The following XIRP1 variants were observed in gnomAD, a reference collection of about 807,000 sequenced individuals.
XIRP1 encodes xin actin-binding repeat-containing protein 1.
For missense variants in XIRP1, 2,378 were observed against 2,345.4 expected (o/e 1.01, Z -0.29); for synonymous variants, 984 against 947.0 (o/e 1.04, Z -0.72).
In XIRP1 at chr3:39,184,637, G is replaced by T. The variant is rs781450401; in HGVS notation, c.4809C>A (p.Val1603=). 6 of 1,613,748 alleles carry T rather than the reference G, an allele frequency of 3.7e-6. No homozygotes were observed. In the East Asian group the frequency reaches 1.3e-4, roughly 36 times the overall value. ...SARPSGSGQE[V]GGQTAVKNQA... ...GGTTCTTGACTGCAGTTTGACCTCC[G>T]ACCTCCTGGCCTGAGCCACTGGGCC... Residue 1603 remains valine (V), a synonymous_variant, in exon 2 of 2, where the codon GTC becomes GTA. Transcript: ENST00000340369.
At chr3:39,189,782 G>A (rs1215810261) in intron 1 of XIRP1, among the ~76,000 whole-genome samples, 2 of 152,254 alleles carry the variant, frequency 1.3e-5, no homozygotes, top group African/African-American at 4.8e-5. Flanking sequence ...AGCTCCATAA[G>A]GGACGCATAA....
In XIRP1 at chr3:39,186,480, C is replaced by G. The variant is rs1382274615; in HGVS notation, c.2966G>C (p.Gly989Ala). Residue 989 changes from glycine to alanine, a missense_variant, in exon 2 of 2, where the codon GGG becomes GCG. By Grantham distance (60) the Gly-to-Ala change is moderately conservative. Coordinates refer to ENST00000340369, the MANE Select transcript of XIRP1 (RefSeq NM_194293.4). ...GGCCTGAGGAGGGCAAGGGGTGGCC[C>G]CTGAGGCTCTCAGATGCCCCATCCC... ...SMGMGHLRAS[G>A]ATPCPPQAIG... 2.5e-6 allele frequency: 4 copies of G among 1,613,830 alleles called. No individual in the cohort carries two copies. The highest frequency in any genetic ancestry group is 2.7e-5 in the African/African-American group (2 of 74,898).
chr3:39,188,539 CG>C lies in XIRP1; in HGVS notation c.906del (p.Asp303ThrfsTer22). ...AAGATCCAGCGAGTTGCACTGACGT[CG>C]GGCCGGGCCCCCTCCTCCAGGGAAA... is the stretch of plus-strand genomic sequence containing the variant. ...RGISLEEGAR[P>X]DVSATRWIFE... On this transcript the variant is annotated frameshift_variant, in exon 2 of 2. Coordinates refer to ENST00000340369, the MANE Select transcript of XIRP1 (RefSeq NM_194293.4). LOFTEE classifies it low-confidence loss of function (END_TRUNC). 6.2e-7 allele frequency: 1 copy of C among 1,610,750 alleles called. No individual in the cohort carries two copies. The highest frequency in any genetic ancestry group is 8.5e-7 in the Non-Finnish European group (1 of 1,177,288).
rs746041562 is a variant in XIRP1 at position 39,186,688 on chromosome 3, C to T, written c.2758G>A (p.Ala920Thr). The part of the protein sequence containing the change: ...YSLQPRLTSK[A>T]SERSSVQLLA... ...AGCTGCACGCTGCTCCTCTCAGAGG[C>T]CTTGCTAGTTAGCCGGGGCTGCAGA... The change falls in exon 2 of 2, where the codon GCC becomes ACC. Residue 920 changes from alanine (A) to threonine (T), a missense_variant. Transcript: ENST00000340369. 6.2e-7 allele frequency: 1 copy of T among 1,613,908 alleles called. No individual in the cohort carries two copies. The highest frequency in any genetic ancestry group is 1.3e-5 in the African/African-American group (1 of 74,948).
In XIRP1 at chr3:39,184,181, C is replaced by A; in HGVS notation, c.5265G>T (p.Gly1755=). The change falls in exon 2 of 2, where the codon GGG becomes GGT. Residue 1755 remains glycine (G), a synonymous_variant. Coordinates refer to ENST00000340369, the MANE Select transcript of XIRP1 (RefSeq NM_194293.4). ...CTCCATAGTGTTGTGAGCTCCCTGG[C>A]CCCGTCTGTAGCTCCAGAACACTCT... ...WQKSVLELQT[G]PGSSQHYGAM... 2 of 1,614,160 alleles carry A rather than the reference C, an allele frequency of 1.2e-6. No homozygotes were observed. Among genetic ancestry groups the A allele is most frequent in the Non-Finnish European group, 1.7e-6 (2 of 1,180,010 alleles).
In XIRP1 at chr3:39,186,269, C is replaced by A; in HGVS notation, c.3177G>T (p.Arg1059=). Reference sequence around the variant, plus strand: ...GGCTCTGGGCTTCAGCTGTTGCCATCCGCAGACTCTGCATGGCGGCCAGGA... The same window carrying A: ...GGCTCTGGGCTTCAGCTGTTGCCATACGCAGACTCTGCATGGCGGCCAGGA... ...PDLLAAMQSL[R]MATAEAQSLH... Residue 1059 remains arginine, a synonymous_variant, in exon 2 of 2, where the codon CGG becomes CGT. Coordinates refer to ENST00000340369, the MANE Select transcript of XIRP1 (RefSeq NM_194293.4). 1 of 1,613,952 alleles carries A rather than the reference C, an allele frequency of 6.2e-7. No individual in the cohort carries two copies. The highest frequency in any genetic ancestry group is 8.5e-7 in the Non-Finnish European group (1 of 1,179,962).
At position 39,185,958 on chromosome 3, in the gene XIRP1, T is replaced by A. The variant is rs2125900289; in HGVS notation, c.3488A>T (p.Glu1163Val). ...PPGGVQLSQR[E>V]PQSRHRETAL... ...AGTCTCCCTGTGCCTTGACTGGGGT[T>A]CCCTCTGAGAAAGCTGGACACCCCC... The change falls in exon 2 of 2, where the codon GAA (glutamate) becomes GTA (valine). Residue 1163 changes from glutamate to valine, a missense_variant. Transcript: ENST00000340369. 1 of 1,614,046 alleles carries A rather than the reference T, an allele frequency of 6.2e-7. No individual in the cohort carries two copies. The highest frequency in any genetic ancestry group is 1.1e-5 in the South Asian group (1 of 91,082).
Position 39,184,032 on chromosome 3 carries a change from A to T in XIRP1, c.5414T>A (p.Leu1805His). ...PPRNPGSHLG[L>H]HASPLLRQFL... ...CTGCCTCAGCAAGGGGGAGGCGTGG[A>T]GCCCGAGGTGGGAGCCTGGGTTCCT... Residue 1805 changes from leucine (L) to histidine (H), a missense_variant, in exon 2 of 2, where the codon CTC becomes CAC. Coordinates refer to ENST00000340369, the MANE Select transcript of XIRP1 (RefSeq NM_194293.4). The T allele has an allele frequency of 1.2e-6, 2 of 1,612,780 alleles. No individual in the cohort carries two copies. Among genetic ancestry groups the T allele is most frequent in the Non-Finnish European group, 1.7e-6 (2 of 1,179,292 alleles).
chr3:39,188,902 G>C lies in XIRP1; in HGVS notation c.544C>G (p.Pro182Ala), dbSNP rs140194759. Reference protein sequence around the residue: ...AKELEATVREPAASGDVQGTR... With the variant: ...AKELEATVREAAASGDVQGTR... ...CCCTGCACATCTCCGCTGGCTGCAG[G>C]CTCCCTCACAGTGGCCTCCAGTTCC... Residue 182 changes from proline (P) to alanine (A), a missense_variant, in exon 2 of 2, where the codon CCT becomes GCT. Pro to Ala is a conservative substitution (Grantham distance 27). Transcript: ENST00000340369. 5.0e-6 allele frequency: 8 copies of C among 1,612,922 alleles called. No homozygotes were observed. Among genetic ancestry groups the C allele is most frequent in the African/African-American group, 2.7e-5 (2 of 74,920 alleles).
rs969837233 is a variant in XIRP1 at position 39,185,077 on chromosome 3, C to G, written c.4369G>C (p.Ala1457Pro). ...TGCAGACTGTCAGGGCTCTCAGGGG[C>G]CCCTTGGTGGGAACCTTCCATGGGC... ...EQPMEGSHQG[A>P]PESPDSLQRN... Residue 1457 changes from alanine to proline, a missense_variant, in exon 2 of 2, where the codon GCC becomes CCC. Physicochemically the swap from Ala to Pro is conservative, Grantham distance 27. Coordinates refer to ENST00000340369, the MANE Select transcript of XIRP1 (RefSeq NM_194293.4). The G allele has an allele frequency of 3.3e-6, 5 of 1,524,150 alleles. No homozygotes were observed. In the African/African-American group the frequency reaches 7.0e-5, roughly 21 times the overall value. 94.4% of individuals were successfully genotyped at this position (1,524,150 alleles called of 1,614,324 possible).
rs2125898256 is a variant in XIRP1 at position 39,183,401 on chromosome 3, TG to T, written c.*512del. 6.5e-6 allele frequency: 1 copy of T among 153,540 alleles called. No individual in the cohort carries two copies. The highest frequency in any genetic ancestry group is 1.5e-5 in the Non-Finnish European group (1 of 68,962). The allele number at this position is 153,540 out of a possible 1,614,324, so 9.5% of individuals were successfully genotyped here. On this transcript the variant is annotated 3_prime_UTR_variant, in exon 2 of 2. Coordinates refer to ENST00000340369, the MANE Select transcript of XIRP1 (RefSeq NM_194293.4). ...ATGATGGAGATGGTGATGAAGGGGC[TG>T]GCGGCCAGGTCCTTCTGGAGACCTC...
Position 39,184,039 on chromosome 3 carries a change from G to A in XIRP1, c.5407C>T (p.Leu1803Phe). The A allele has an allele frequency of 6.2e-7, 1 of 1,612,586 alleles. No individual in the cohort carries two copies. Among genetic ancestry groups the A allele is most frequent in the Non-Finnish European group, 8.5e-7 (1 of 1,179,122 alleles). Residue 1803 changes from leucine to phenylalanine, a missense_variant, in exon 2 of 2, where the codon CTC becomes TTC. Transcript: ENST00000340369. ...AGCAAGGGGGAGGCGTGGAGCCCGAGGTGGGAGCCTGGGTTCCTGGGTGGC... is the reference window on the plus strand; with the variant it reads ...AGCAAGGGGGAGGCGTGGAGCCCGAAGTGGGAGCCTGGGTTCCTGGGTGGC... ...AEPPRNPGSH[L>F]GLHASPLLRQ... is the part of the protein sequence containing the mutation.
Position 39,187,084 on chromosome 3 carries a change from C to T in XIRP1, c.2362G>A (p.Gly788Arg). 1 of 1,613,632 alleles carries T rather than the reference C, an allele frequency of 6.2e-7. No individual in the cohort carries two copies. Among genetic ancestry groups the T allele is most frequent in the South Asian group, 1.1e-5 (1 of 91,076 alleles). ...CCTCGGGCCTCCATGAGGATGCCTC[C>T]ATGGTGCAGGATGCCAGGTGTGGCA... ...LHATPGILHH[G>R]GILMEARGPG... Residue 788 changes from glycine (G) to arginine (R), a missense_variant, in exon 2 of 2, where the codon GGA (glycine) becomes AGA (arginine). By Grantham distance (125) the Gly-to-Arg change is moderately radical (BLOSUM62 -2). Transcript: ENST00000340369.
At chr3:39,191,132 A>G (rs1378332973) in intron 1 of XIRP1, among the ~76,000 whole-genome samples, 2 of 152,186 alleles carry the variant, frequency 1.3e-5, no homozygotes, top group Non-Finnish European at 2.9e-5. Context: ...TGCTGACCCC[A>G]TGCCCACCCT....
Position 39,188,298 on chromosome 3 carries a change from C to T in XIRP1, c.1148G>A (p.Trp383Ter). The change falls in exon 2 of 2, where the codon TGG becomes TAG. Residue 383 changes from tryptophan (W) to a stop codon, truncating the protein, a stop_gained. Transcript: ENST00000340369. LOFTEE classifies it low-confidence loss of function (END_TRUNC). ...VVPGDVRSTL[W>*]LFETKPLDAF... Reference sequence around the variant, plus strand: ...ATCCAGGGGCTTTGTTTCAAATAGCCACAGGGTGGAGCGGACATCACCAGG... The same window carrying T: ...ATCCAGGGGCTTTGTTTCAAATAGCTACAGGGTGGAGCGGACATCACCAGG... The T allele has an allele frequency of 1.2e-6, 2 of 1,614,178 alleles. No individual in the cohort carries two copies. The highest frequency in any genetic ancestry group is 1.7e-6 in the Non-Finnish European group (2 of 1,180,026).
rs145643476 is a variant in XIRP1 at position 39,184,027 on chromosome 3, C to A, written c.5419G>T (p.Ala1807Ser). Residue 1807 changes from alanine to serine, a missense_variant, in exon 2 of 2, where the codon GCC becomes TCC. Transcript: ENST00000340369. ...RNPGSHLGLH[A>S]SPLLRQFLHS... is the part of the protein sequence containing the mutation. ...AGGAACTGCCTCAGCAAGGGGGAGGCGTGGAGCCCGAGGTGGGAGCCTGGG... is the reference window on the plus strand; with the variant it reads ...AGGAACTGCCTCAGCAAGGGGGAGGAGTGGAGCCCGAGGTGGGAGCCTGGG... 1 of 1,612,782 alleles carries A rather than the reference C, an allele frequency of 6.2e-7. No homozygotes were observed.
intron 1 of XIRP1, among the ~76,000 whole-genome samples, chr3:39,191,710 C>T (rs2040090529): frequency 6.6e-6 from 1 of 151,904 alleles, no homozygotes; most frequent in Non-Finnish European, 1.5e-5. Context: ...TCTCCTAGGG[C>T]TGGGCCAGCC....
rs2039973961 is a variant in XIRP1 at position 39,186,454 on chromosome 3, T to A, written c.2992A>T (p.Ile998Phe). The change falls in exon 2 of 2, where the codon ATT (isoleucine) becomes TTT (phenylalanine). Residue 998 changes from isoleucine to phenylalanine, a missense_variant. Ile to Phe is a conservative substitution (Grantham distance 21). Transcript: ENST00000340369. ...SGATPCPPQA[I>F]GKAVPLAGEA... Reference sequence around the variant, plus strand: ...CCAGCCAGAGGGACTGCCTTTCCAATGGCCTGAGGAGGGCAAGGGGTGGCC... The same window carrying A: ...CCAGCCAGAGGGACTGCCTTTCCAAAGGCCTGAGGAGGGCAAGGGGTGGCC... 1 of 1,614,176 alleles carries A rather than the reference T, an allele frequency of 6.2e-7. No homozygotes were observed. The highest frequency in any genetic ancestry group is 1.1e-5 in the South Asian group (1 of 91,084).
Position 39,186,239 on chromosome 3 carries a change from G to A in XIRP1, c.3207C>T (p.His1069=). ...RMATAEAQSL[H]QQVLNKHKQG... is the part of the protein sequence containing the mutation. ...GCTTGTGCTTGTTCAGAACTTGCTG[G>A]TGCAGGCTCTGGGCTTCAGCTGTTG... The change falls in exon 2 of 2, where the codon CAC becomes CAT. Residue 1069 remains histidine, a synonymous_variant. Transcript: ENST00000340369. 1 of 1,613,840 alleles carries A rather than the reference G, an allele frequency of 6.2e-7. No individual in the cohort carries two copies. The highest frequency in any genetic ancestry group is 1.1e-5 in the South Asian group (1 of 91,072).
Sources: allele counts gnomAD v4.1 joint callset (sites outside exome capture counted in the v4.1 genomes callset), GRCh38; gene constraint gnomAD v4.1.1; transcripts MANE v1.5; gene names NCBI Gene and HGNC (gene_info 2026-07-23, HGNC 2026-07-21).